Variants in CNBD1 observed in about 807,000 individuals in gnomAD.
CNBD1 encodes the protein cyclic nucleotide binding domain containing 1, also known as cyclic nucleotide-binding domain-containing protein 1.
CNBD1 carries 71 observed loss-of-function variants against 54.4 expected under a neutral mutation model. The observed-to-expected ratio is 1.30, with a 90% CI of 1.08 to 1.59. The LOEUF (loss-of-function observed/expected upper bound fraction) is 1.59, where lower values mean the gene tolerates loss of function less well. Among genes scored for constraint, CNBD1 ranks in the 40% most tolerant of loss-of-function variants. The pLI is 0.00. For missense variants in CNBD1, 659 were observed against 518.0 expected (o/e 1.27, Z -2.64); for synonymous variants, 182 against 170.7 (o/e 1.07, Z -0.51).
intron 4 of CNBD1, among the ~76,000 whole-genome samples, chr8:87,039,938 G>A (rs1277077689): frequency 1.3e-5 from 2 of 152,152 alleles, no homozygotes; most frequent in South Asian, 2.1e-4. Flanking sequence ...CTTGGGTGGG[G>A]AGCCACAAGA....
At chr8:87,054,397 C>T (rs1393253918) in intron 4 of CNBD1, among the ~76,000 whole-genome samples, 1 of 152,220 alleles carries the variant, frequency 6.6e-6, no homozygotes, top group East Asian at 1.9e-4. Context: ...ATTAATATTC[C>T]CCCCATCCAA....
At chr8:87,160,585 A>G (rs1265169110) in intron 4 of CNBD1, among the ~76,000 whole-genome samples, 1 of 152,156 alleles carries the variant, frequency 6.6e-6, no homozygotes, top group African/African-American at 2.4e-5. Flanking sequence ...AAAATTATTA[A>G]TAATTTCATA....
intron 8 of CNBD1, among the ~76,000 whole-genome samples, chr8:87,299,459 A>G (rs1808942888): frequency 1.3e-5 from 2 of 152,352 alleles, no homozygotes; most frequent in African/African-American, 4.8e-5. Flanking sequence ...AGCTCCTCAC[A>G]GCATTCCATC....
intron 8 of CNBD1, among the ~76,000 whole-genome samples, chr8:87,328,737 C>T (rs1003322901): frequency 5.3e-5 from 8 of 152,090 alleles, no homozygotes; most frequent in Non-Finnish European, 1.0e-4. Flanking sequence ...ACTTCATAAA[C>T]ATAGTTTATC....
rs151016909 is a variant in CNBD1 at position 87,096,817 on chromosome 8, T to A, written c.432-109176T>A. Among the ~76,000 whole-genome samples the A allele has an allele frequency of 2.9e-3, 443 of 150,432 alleles. 3 individuals are homozygous for A. Among genetic ancestry groups the A allele is most frequent in the African/African-American group, 0.01 (416 of 41,330 alleles). The stretch of plus-strand genomic sequence containing the variant: ...CATTTTTCTTCCCTTTTTTTTTTTT[T>A]ACCTTTTCCTCTCCACACCTTTAGC... On this transcript the variant is annotated intron_variant, in intron 4 of 10. Coordinates refer to ENST00000518476, the MANE Select transcript of CNBD1 (RefSeq NM_173538.3).
At chr8:87,271,753 G>T (rs1808369408) in intron 6 of CNBD1, among the ~76,000 whole-genome samples, 1 of 151,370 alleles carries the variant, frequency 6.6e-6, no homozygotes, top group Non-Finnish European at 1.5e-5. Flanking sequence ...TTCTACTGTT[G>T]GGTATTTACC....
intron 4 of CNBD1, among the ~76,000 whole-genome samples, chr8:86,940,654 G>T (rs1449203141): frequency 6.6e-6 from 1 of 151,684 alleles, no homozygotes; most frequent in Non-Finnish European, 1.5e-5. Context: ...CCTGTCATAG[G>T]GGAGTAAAAT....
intron 4 of CNBD1, among the ~76,000 whole-genome samples, chr8:87,088,580 T>G (rs1198792482): frequency 6.6e-6 from 1 of 152,156 alleles, no homozygotes; most frequent in African/African-American, 2.4e-5. Context: ...ACAATGAAAT[T>G]GTTTTACATG....
chr8:86,876,979 A>G (rs1808529784), intron 1 of CNBD1, among the ~76,000 whole-genome samples: 1 of 152,088 alleles, frequency 6.6e-6, no homozygotes, highest in African/African-American at 2.4e-5. Context: ...GTTTGATTCT[A>G]TACCTAAATC....
intron 4 of CNBD1, among the ~76,000 whole-genome samples, chr8:87,099,072 A>T (rs1207111705): frequency 2.0e-5 from 3 of 150,908 alleles, no homozygotes; most frequent in African/African-American, 4.9e-5. Context: ...AAAACTCCAA[A>T]TTTTGACCCT....
At chr8:86,978,702 C>T (rs569088926) in intron 4 of CNBD1, among the ~76,000 whole-genome samples, 6 of 151,958 alleles carry the variant, frequency 3.9e-5, no homozygotes, top group Non-Finnish European at 5.9e-5. Flanking sequence ...TCCAACACGC[C>T]TGGCTAATTT....
intron 4 of CNBD1, among the ~76,000 whole-genome samples, chr8:87,088,159 T>C (rs1001032534): frequency 6.6e-6 from 1 of 152,164 alleles, no homozygotes; most frequent in African/African-American, 2.4e-5. Context: ...TTAGTTTTTT[T>C]CCCCTTTGTT....
chr8:87,298,883 T>G (rs1808933508), intron 8 of CNBD1, among the ~76,000 whole-genome samples: 1 of 152,174 alleles, frequency 6.6e-6, no homozygotes, highest in African/African-American at 2.4e-5. Flanking sequence ...TTCTAGTTAC[T>G]TTCACACACA....
chr8:87,343,026 G>T (rs1473013680), intron 8 of CNBD1, among the ~76,000 whole-genome samples: 1 of 152,084 alleles, frequency 6.6e-6, no homozygotes, highest in Non-Finnish European at 1.5e-5. Context: ...TCCCAGAGCT[G>T]CCATCTATAG....
intron 8 of CNBD1, among the ~76,000 whole-genome samples, chr8:87,321,336 T>A (rs965425553): frequency 6.6e-6 from 1 of 152,116 alleles, no homozygotes; most frequent in Non-Finnish European, 1.5e-5. Context: ...CCTTACCAAT[T>A]TGTAGTTTTC....
intron 10 of CNBD1, among the ~76,000 whole-genome samples, chr8:87,362,537 GAC>G (rs1810543593): frequency 6.6e-6 from 1 of 152,040 alleles, no homozygotes; most frequent in African/African-American, 2.4e-5. Context: ...TAATGCTTGA[GAC>G]AGATTTTTAA....
chr8:86,929,256 A>C (rs1387551806), intron 3 of CNBD1, among the ~76,000 whole-genome samples: 1 of 152,182 alleles, frequency 6.6e-6, no homozygotes, highest in Non-Finnish European at 1.5e-5. Flanking sequence ...AGAGGTAAGG[A>C]ACTCCCTTTC....
intron 4 of CNBD1, among the ~76,000 whole-genome samples, chr8:87,080,350 G>T (rs557003527): frequency 6.6e-6 from 1 of 151,994 alleles, no homozygotes; most frequent in Non-Finnish European, 1.5e-5. Flanking sequence ...TTGGGAGGCC[G>T]AGGCAGGTGG....
At chr8:87,336,715 C>G (rs1586025669) in intron 8 of CNBD1, among the ~76,000 whole-genome samples, 1 of 152,182 alleles carries the variant, frequency 6.6e-6, no homozygotes, top group South Asian at 2.1e-4. Context: ...TCCATCTTAT[C>G]CCCTGTCCAG....
Sources: allele counts gnomAD v4.1 joint callset (sites outside exome capture counted in the v4.1 genomes callset), GRCh38; gene constraint gnomAD v4.1.1; transcripts MANE v1.5; gene names NCBI Gene and HGNC (gene_info 2026-07-23, HGNC 2026-07-21).